The following DNAAF4 variants were observed in gnomAD, a reference collection of about 807,000 sequenced individuals.
DNAAF4 encodes the protein dynein assembly factor 4, axonemal.
A neutral mutation model predicts 51.8 loss-of-function variants in DNAAF4; 43 were observed. That is an observed-to-expected ratio of 0.83 (90% CI 0.65 to 1.07). The LOEUF (loss-of-function observed/expected upper bound fraction) is 1.07. Ranked by LOEUF, DNAAF4 falls within the 50% of genes least tolerant of loss-of-function variation. The probability of loss-of-function intolerance (pLI) is 0.00; values close to 1 mark genes in which losing one functional copy is unlikely to be tolerated. For synonymous variants in DNAAF4, 194 were observed against 165.6 expected (o/e 1.17, Z -1.32); for missense variants, 581 against 493.0 (o/e 1.18, Z -1.69).
chr15:55,439,606 A>T, intron 6 of DNAAF4, 25 bp from the exon 7 acceptor site: 1 of 1,579,890 alleles, frequency 6.3e-7, no homozygotes, highest in Non-Finnish European at 8.6e-7. Flanking sequence ...AAGTCTTATG[A>T]AGAATAAAAA....
At chr15:55,435,564 T>G (rs2057594168) in intron 7 of DNAAF4, among the ~76,000 whole-genome samples, 1 of 152,184 alleles carries the variant, frequency 6.6e-6, no homozygotes, top group Non-Finnish European at 1.5e-5. Context: ...ACCGAGCCCT[T>G]CATGATACAG....
intron 6 of DNAAF4, among the ~76,000 whole-genome samples, chr15:55,445,032 C>CTTTTTTTT (rs35988188): frequency 9.2e-6 from 1 of 109,040 alleles, no homozygotes; most frequent in Non-Finnish European, 1.8e-5. Flanking sequence ...ATTGAATACC[C>CTTTTTTTT]TTTTTTTTTT....
At chr15:55,494,473 G>A (rs1320994727) in intron 3 of DNAAF4, among the ~76,000 whole-genome samples, 1 of 151,706 alleles carries the variant, frequency 6.6e-6, no homozygotes, top group Non-Finnish European at 1.5e-5. Context: ...GTGCAGTGGT[G>A]AGATCTCAGC....
chr15:55,472,073 C>A (rs968323505), intron 4 of DNAAF4, among the ~76,000 whole-genome samples: 2 of 151,836 alleles, frequency 1.3e-5, no homozygotes, highest in Admixed American at 1.3e-4. Flanking sequence ...CTCCTGACTT[C>A]AAATGATCCA....
intron 5 of DNAAF4, among the ~76,000 whole-genome samples, chr15:55,460,326 C>T (rs181093807): frequency 3.9e-5 from 6 of 151,900 alleles, no homozygotes; most frequent in Admixed American, 1.3e-4. Flanking sequence ...ATTACAGGTG[C>T]GTGCCAGCAC....
At chr15:55,419,483 C>G (rs2057369362) in intron 7 of DNAAF4, among the ~76,000 whole-genome samples, 1 of 152,034 alleles carries the variant, frequency 6.6e-6, no homozygotes, top group Non-Finnish European at 1.5e-5. Context: ...AGCAGTCATC[C>G]TGCCTCGGCC....
chr15:55,492,138 T>C (rs1429732711), intron 3 of DNAAF4, among the ~76,000 whole-genome samples: 2 of 152,126 alleles, frequency 1.3e-5, no homozygotes, highest in Admixed American at 6.6e-5. Context: ...ATTACAGGCA[T>C]GAGCCACCAC....
chr15:55,454,543 A>G (rs2057988572), intron 5 of DNAAF4, among the ~76,000 whole-genome samples: 1 of 151,690 alleles, frequency 6.6e-6, no homozygotes, highest in South Asian at 2.1e-4. Flanking sequence ...ACAGCCAGCT[A>G]ATTTTTGTAT....
At position 55,498,207 on chromosome 15, in the gene DNAAF4, C is replaced by T. The variant is rs201530487; in HGVS notation, c.123G>A (p.Lys41=). Residue 41 remains lysine, a splice_region_variant and synonymous_variant, in exon 2 of 10, where the codon AAG becomes AAA. Transcript: ENST00000321149. ...TDVFCTENYL[K]VNFPPFLFEA... is the part of the protein sequence containing the mutation. ...CGGCAGGCAAGACTTGCATTCTTAC[C>T]TTCAGATAGTTTTCCGTGCAGAACA... 6.5e-5 allele frequency: 105 copies of T among 1,613,884 alleles called. No individual in the cohort carries two copies. Among genetic ancestry groups the T allele is most frequent in the Non-Finnish European group, 6.3e-5 (74 of 1,179,970 alleles).
At chr15:55,470,272 G>C (rs1208962096) in intron 4 of DNAAF4, among the ~76,000 whole-genome samples, 2 of 151,918 alleles carry the variant, frequency 1.3e-5, no homozygotes, top group African/African-American at 4.8e-5. Context: ...GGCTGATCTT[G>C]AACTCCTGAC....
chr15:55,470,544 GT>G (rs879278282), intron 4 of DNAAF4, among the ~76,000 whole-genome samples: 6,133 of 138,422 alleles, frequency 0.044, 389 homozygotes, highest in African/African-American at 0.15. Context: ...GCATGACTGG[GT>G]TTTTTTTTTT....
chr15:55,438,114 T>C (rs927878250), intron 7 of DNAAF4, among the ~76,000 whole-genome samples: 2 of 152,150 alleles, frequency 1.3e-5, no homozygotes, highest in Non-Finnish European at 2.9e-5. Context: ...CTCACACCCG[T>C]AATCCCAGCA....
Position 55,498,215 on chromosome 15 carries a change from A to G in DNAAF4, c.115T>C (p.Tyr39His), listed in dbSNP as rs780860106. 1.2e-6 allele frequency: 2 copies of G among 1,613,902 alleles called. No homozygotes were observed. Among genetic ancestry groups the G allele is most frequent in the East Asian group, 2.2e-5 (1 of 44,848 alleles). ...RDTDVFCTEN[Y>H]LKVNFPPFLF... ...AAGACTTGCATTCTTACCTTCAGAT[A>G]GTTTTCCGTGCAGAACACGTCCGTG... The change falls in exon 2 of 10, where the codon TAT (tyrosine) becomes CAT (histidine). Residue 39 changes from tyrosine to histidine, a missense_variant. Transcript: ENST00000321149.
chr15:55,496,381 C>G (rs74978495), intron 3 of DNAAF4, among the ~76,000 whole-genome samples: 7,040 of 152,248 alleles, frequency 0.046, 233 homozygotes, highest in South Asian at 0.091. Flanking sequence ...ATAGCTGATT[C>G]AAATATGTAG....
intron 6 of DNAAF4, among the ~76,000 whole-genome samples, chr15:55,440,333 G>C (rs945903449): frequency 1.4e-5 from 2 of 145,632 alleles, no homozygotes; most frequent in Non-Finnish European, 3.0e-5. Context: ...TTATAGGCGT[G>C]AGCCACCACG....
rs546222192 is a variant in DNAAF4, at chr15:55,473,325, A to G, written c.406-6164T>C. On this transcript the variant is annotated intron_variant, in intron 4 of 9. Coordinates refer to ENST00000321149, the MANE Select transcript of DNAAF4 (RefSeq NM_130810.4). ...TATATATGTGTGTATATATGTGTGTATATATATGTGTGTATATATATGTGT... is the reference window on the plus strand; with the variant it reads ...TATATATGTGTGTATATATGTGTGTGTATATATGTGTGTATATATATGTGT... Among the ~76,000 whole-genome samples the G allele has an allele frequency of 8.9e-4, 124 of 139,894 alleles. 4 individuals carry two copies. Among genetic ancestry groups the G allele is most frequent in the African/African-American group, 3.2e-3 (116 of 36,614 alleles). 91.8% of individuals were successfully genotyped at this position (139,894 alleles called of 152,430 possible). A position where few individuals can be genotyped will look rare whatever the true frequency, so the allele number is the denominator to read the frequency against.
rs879351208 is a variant in DNAAF4, at chr15:55,473,187, T to TAAAAAAA, written c.406-6033_406-6027dup. On this transcript the variant is annotated intron_variant, in intron 4 of 9. Transcript: ENST00000321149. Reference sequence around the variant, plus strand: ...CCTCAAAACAAACAAAAAAAAAACCTAAAAAAAAAAAATATATATATATAT... The same window carrying TAAAAAAA: ...CCTCAAAACAAACAAAAAAAAAACCTAAAAAAAAAAAAAAAAAAATATATATATATAT... Among the ~76,000 whole-genome samples the TAAAAAAA allele has an allele frequency of 9.1e-3, 250 of 27,530 alleles. 14 individuals carry two copies. Among genetic ancestry groups the TAAAAAAA allele is most frequent in the African/African-American group, 0.032 (196 of 6,206 alleles). The allele number at this position is 27,530 out of a possible 152,430, so 18.1% of individuals were successfully genotyped here.
intron 4 of DNAAF4, among the ~76,000 whole-genome samples, chr15:55,477,599 A>C (rs1335651864): frequency 6.6e-6 from 1 of 152,122 alleles, no homozygotes; most frequent in Non-Finnish European, 1.5e-5. Flanking sequence ...CCACTGAAAA[A>C]TAAATTTTAA....
intron 5 of DNAAF4, among the ~76,000 whole-genome samples, chr15:55,457,187 G>A (rs2058032871): frequency 6.6e-6 from 1 of 152,150 alleles, no homozygotes; most frequent in African/African-American, 2.4e-5. Context: ...CTCACCAACT[G>A]CCTGGATATA....
Sources: gnomAD v4.1 joint callset for allele counts (sites outside exome capture counted in the v4.1 genomes callset) on GRCh38, gnomAD v4.1.1 for gene constraint, MANE v1.5 for transcripts, NCBI Gene and HGNC (gene_info 2026-07-23, HGNC 2026-07-21) for gene names.